NOTCH1: variants seen among roughly 807,000 people sequenced by gnomAD.
NOTCH1 encodes the protein notch receptor 1, also known as neurogenic locus notch homolog protein 1.
NOTCH1 carries 37 observed loss-of-function variants against 254.8 expected under a neutral mutation model. That is an observed-to-expected ratio of 0.15 (90% confidence interval 0.11 to 0.19). NOTCH1 has a LOEUF of 0.19. Ranked by LOEUF, NOTCH1 falls within the 10% of genes least tolerant of loss-of-function variation. NOTCH1 has a pLI of 1.00. For missense variants in NOTCH1, 2,972 were observed against 3,708.6 expected (o/e 0.80, Z 5.16); for synonymous variants, 1,731 against 1,618.1 (o/e 1.07, Z -1.68).
chr9:136,522,542 G>T (rs570325242), intron 4 of NOTCH1: 1 of 412,982 alleles, frequency 2.4e-6, no homozygotes, highest in South Asian at 4.7e-5. Context: ...AAACCCTGGG[G>T]GTTGCGCAAG....
Position 136,499,241 on chromosome 9 carries a change from C to T in NOTCH1, c.5953G>A (p.Ala1985Thr), listed in dbSNP as rs2133323180. 6.2e-7 allele frequency: 1 copy of T among 1,613,018 alleles called. No individual in the cohort carries two copies. ...GVFQILIRNR[A>T]TDLDARMHDG... ...TGCATGCGGGCATCCAGGTCTGTGG[C>T]TCGGTTCCGGATCAGGATCTGGGCA... The change falls in exon 32 of 34, where the codon GCC becomes ACC. Residue 1985 changes from alanine (A) to threonine (T), a missense_variant. Ala to Thr is a moderately conservative substitution (Grantham distance 58). Coordinates refer to ENST00000651671, the MANE Select transcript of NOTCH1 (RefSeq NM_017617.5).
intron 2 of NOTCH1, chr9:136,543,087 C>A (rs1352607077): frequency 1.3e-5 from 2 of 156,234 alleles, no homozygotes; most frequent in African/African-American, 4.8e-5. Flanking sequence ...ATAATTACCC[C>A]ACACCCCACG....
chr9:136,508,514 G>A (rs1009996662), intron 19 of NOTCH1, 129 bp from the exon 20 acceptor site: 15 of 1,313,342 alleles, frequency 1.1e-5, no homozygotes, highest in Admixed American at 5.4e-5. Context: ...GGAAACTGCC[G>A]CCCCTGGACT....
At chr9:136,543,642 A>G in intron 2 of NOTCH1, 1 of 399,058 alleles carries the variant, frequency 2.5e-6, no homozygotes, top group African/African-American at 2.1e-5. Context: ...ACCCGCCCAG[A>G]GGAGGCGCCC....
rs1162039899 is a variant in NOTCH1 at position 136,513,706 on chromosome 9, C to T, written c.2208-169G>A. 1.3e-5 allele frequency among the ~76,000 whole-genome samples: 2 copies of T among 152,232 alleles called. No individual in the cohort carries two copies. The highest frequency in any genetic ancestry group is 2.4e-5 in the African/African-American group (1 of 41,468). On this transcript the variant is annotated intron_variant, in intron 13 of 33. Coordinates refer to ENST00000651671, the MANE Select transcript of NOTCH1 (RefSeq NM_017617.5). This position sits in a 1 kb window ranked among gnomAD's most constrained non-coding sequence, Gnocchi z 4.7. Reference sequence around the variant, plus strand: ...GGGCGCTGTGGCTCACACCTGTAATCCCAGCACTTTGGGAGGCGGGGGTGG... The same window carrying T: ...GGGCGCTGTGGCTCACACCTGTAATTCCAGCACTTTGGGAGGCGGGGGTGG...
intron 31 of NOTCH1, 108 bp from the exon 32 acceptor site, chr9:136,499,367 C>CGTCT: frequency 6.8e-7 from 1 of 1,474,236 alleles, no homozygotes; most frequent in Admixed American, 1.9e-5. Flanking sequence ...CGGACACAGA[C>CGTCT]GAGACCCTCC....
chr9:136,541,084 G>A (rs1332036967), intron 2 of NOTCH1, among the ~76,000 whole-genome samples: 3 of 152,118 alleles, frequency 2.0e-5, no homozygotes, highest in African/African-American at 7.2e-5. Context: ...CCCTGGGCCT[G>A]CTCAGAAGGC....
rs1317920760 is a variant in NOTCH1 at position 136,500,756 on chromosome 9, G to A, written c.5730C>T (p.Ile1910=). 6.2e-7 allele frequency: 1 copy of A among 1,605,326 alleles called. No homozygotes were observed. The highest frequency in any genetic ancestry group is 8.5e-7 in the Non-Finnish European group (1 of 1,179,846). Residue 1910 remains isoleucine (I), a synonymous_variant, in exon 31 of 34, where the codon ATC becomes ATT. Coordinates refer to ENST00000651671, the MANE Select transcript of NOTCH1 (RefSeq NM_017617.5). ...TGGCGCCCTGGTAGATGAAGTCGGA[G>A]ATGACGGCCGGCGCGTCCTCCTCTT... ...SEEEEDAPAV[I]SDFIYQGASL...
rs1021758194 is a variant in NOTCH1 at position 136,513,771 on chromosome 9, C to T, written c.2208-234G>A. ...GCCAGGAGTTCAAGATCAGCCTGGC[C>T]AACATGGCGAAACTCCCCCACCCCA... On this transcript the variant is annotated intron_variant, in intron 13 of 33. Coordinates refer to ENST00000651671, the MANE Select transcript of NOTCH1 (RefSeq NM_017617.5). This position sits in a 1 kb window ranked among gnomAD's most constrained non-coding sequence, Gnocchi z 4.7. Among the ~76,000 whole-genome samples, 3 of 152,120 alleles carry T rather than the reference C, an allele frequency of 2.0e-5. No homozygotes were observed. Among genetic ancestry groups the T allele is most frequent in the Non-Finnish European group, 4.4e-5 (3 of 68,022 alleles).
chr9:136,523,174 G>T lies in NOTCH1; in HGVS notation c.418C>A (p.Gln140Lys). The T allele has an allele frequency of 6.2e-7, 1 of 1,602,766 alleles. No individual in the cohort carries two copies. Among genetic ancestry groups the T allele is most frequent in the Admixed American group, 1.7e-5 (1 of 58,794 alleles). Residue 140 changes from glutamine to lysine, a missense_variant, in exon 4 of 34, where the codon CAG (glutamine) becomes AAG (lysine). By Grantham distance (53) the Gln-to-Lys change is moderately conservative. Around this residue, in one of 8 missense-constraint regions of NOTCH1, gnomAD observed 374 missense variants for 496.3 expected, o/e 0.75. Coordinates refer to ENST00000651671, the MANE Select transcript of NOTCH1 (RefSeq NM_017617.5). The stretch of plus-strand genomic sequence containing the variant: ...GGGTTGGAGGCGCACGGGTCAGCCT[G>T]CTGGCACGATTTCCCTGGAGACAAG... ...PPGWSGKSCQ[Q>K]ADPCASNPCA...
Position 136,495,916 on chromosome 9 carries a change from A to T in NOTCH1, c.*155T>A. The T allele has an allele frequency of 2.5e-6, 2 of 805,576 alleles. No homozygotes were observed. Among genetic ancestry groups the T allele is most frequent in the South Asian group, 4.0e-5 (2 of 49,858 alleles). 49.9% of individuals were successfully genotyped at this position (805,576 alleles called of 1,614,324 possible). ...GTTTCTGTGTAAAATAAAAGTACAT[A>T]AATAAATACTAAAAAAAATTAAAAT... On this transcript the variant is annotated 3_prime_UTR_variant, in exon 34 of 34. Transcript: ENST00000651671.
rs1197737936 is a variant in NOTCH1, at chr9:136,505,797, G to A, written c.4099C>T (p.Pro1367Ser). The change falls in exon 25 of 34, where the codon CCG becomes TCG. Residue 1367 changes from proline to serine, a missense_variant. Physicochemically the swap from Pro to Ser is moderately conservative, Grantham distance 74 (BLOSUM62 -1). Transcript: ENST00000651671. ...CLNGGTCISG[P>S]RSPTCLCLGP... Reference sequence around the variant, plus strand: ...AGGCACAGGCAGGTGGGGCTGCGCGGGCCGGAGATGCATGTGCCGCCGTTG... The same window carrying A: ...AGGCACAGGCAGGTGGGGCTGCGCGAGCCGGAGATGCATGTGCCGCCGTTG... 1 of 1,585,660 alleles carries A rather than the reference G, an allele frequency of 6.3e-7. No homozygotes were observed. The highest frequency in any genetic ancestry group is 1.1e-5 in the South Asian group (1 of 89,224).
At chr9:136,503,128 G>A (rs1194077837) in intron 27 of NOTCH1, 54 bp downstream of exon 27, 2 of 1,610,814 alleles carry the variant, frequency 1.2e-6, no homozygotes, top group Non-Finnish European at 1.7e-6. Context: ...TGGGGCACGG[G>A]GGGATGGCAC....
chr9:136,502,956 T>C (rs931439112), intron 27 of NOTCH1: 3 of 704,658 alleles, frequency 4.3e-6, no homozygotes, highest in Non-Finnish European at 5.1e-6. Context: ...AGGCACCCAC[T>C]TTCCCGTGGC....
chr9:136,507,875 C>G, intron 21 of NOTCH1, 80 bp downstream of exon 21: 1 of 1,476,464 alleles, frequency 6.8e-7, no homozygotes, highest in Non-Finnish European at 9.4e-7. Flanking sequence ...GTTTTCTCCA[C>G]TGGGCCAGCT....
rs1475744740 is a variant in NOTCH1, at chr9:136,532,532, G to GGATGACACA, written c.141-8562_141-8554dup. Among the ~76,000 whole-genome samples, 32 of 152,312 alleles carry GGATGACACA rather than the reference G, an allele frequency of 2.1e-4. 1 individual carries two copies. In the East Asian group the frequency reaches 5.6e-3, roughly 27 times the overall value. ...CAGCACCAGGAAGGGGCTCCAGGGT[G>GGATGACACA]GATGACACAGATGACACATCCCCGG... On this transcript the variant is annotated intron_variant, in intron 2 of 33. Coordinates refer to ENST00000651671, the MANE Select transcript of NOTCH1 (RefSeq NM_017617.5).
At position 136,504,875 on chromosome 9, in the gene NOTCH1, A is replaced by C. The variant is rs1179030316; in HGVS notation, c.4816T>G (p.Phe1606Val). 6.3e-7 allele frequency: 1 copy of C among 1,585,088 alleles called. No homozygotes were observed. Among genetic ancestry groups the C allele is most frequent in the Middle Eastern group, 1.7e-4 (1 of 6,040 alleles). Residue 1606 changes from phenylalanine to valine, a missense_variant, in exon 26 of 34, where the codon TTC becomes GTC. Coordinates refer to ENST00000651671, the MANE Select transcript of NOTCH1 (RefSeq NM_017617.5). ...TGCTGGCCGTGTGCGTCACGCTTGA[A>C]GACCACGTTGGTGTGCAGCACGCGG... ...LSRVLHTNVV[F>V]KRDAHGQQMI...
At chr9:136,507,149 T>C (rs982619510) in intron 22 of NOTCH1, among the ~76,000 whole-genome samples, 156 bp downstream of exon 22, 5 of 152,258 alleles carry the variant, frequency 3.3e-5, no homozygotes, top group African/African-American at 9.6e-5. Context: ...CTCTGGGCCC[T>C]TTCCCTGGGC....
intron 15 of NOTCH1, 86 bp from the exon 16 acceptor site, chr9:136,511,357 T>G: frequency 6.7e-7 from 1 of 1,493,826 alleles, no homozygotes; most frequent in Non-Finnish European, 9.0e-7. Context: ...CTTTCCGCCA[T>G]CAGAGTGCCG....
Sources: allele counts gnomAD v4.1 joint callset (sites outside exome capture counted in the v4.1 genomes callset), GRCh38; gene constraint gnomAD v4.1.1; regional missense constraint gnomAD v4.1.1; non-coding constraint Gnocchi (gnomAD v3.1); transcripts MANE v1.5; gene names NCBI Gene and HGNC (gene_info 2026-07-23, HGNC 2026-07-21).